The following SLC38A4 variants were observed in gnomAD, a reference collection of about 807,000 sequenced individuals.
The protein encoded by SLC38A4 is solute carrier family 38 member 4.
A neutral mutation model predicts 63.1 loss-of-function variants in SLC38A4; 20 were observed. The observed-to-expected ratio is 0.32, with a 90% CI of 0.22 to 0.46. The LOEUF is 0.46. Among genes scored for constraint, SLC38A4 ranks in the 20% least tolerant of loss-of-function variants. The pLI, the probability that SLC38A4 is intolerant of heterozygous loss-of-function variation, is 1.00. For missense variants in SLC38A4, 526 were observed against 663.6 expected (o/e 0.79, Z 2.28); for synonymous variants, 230 against 225.5 (o/e 1.02, Z -0.18).
chr12:46,794,959 G>A (rs1938971014), intron 2 of SLC38A4, among the ~76,000 whole-genome samples: 1 of 151,444 alleles, frequency 6.6e-6, no homozygotes, highest in South Asian at 2.1e-4. Flanking sequence ...AGCTAAGAGA[G>A]AATAGAAGTA....
chr12:46,766,371 G>A lies in SLC38A4; in HGVS notation c.*330C>T, dbSNP rs1339925095. 64 of 472,304 alleles carry A rather than the reference G, an allele frequency of 1.4e-4. No homozygotes were observed. The highest frequency in any genetic ancestry group is 2.6e-4 in the Non-Finnish European group (61 of 237,932). The allele number at this position is 472,304 out of a possible 1,614,324, so 29.3% of individuals were successfully genotyped here. On this transcript the variant is annotated 3_prime_UTR_variant, in exon 17 of 17. Transcript: ENST00000266579. ...GGGTGCAGGATGAGGAGACGGCAGG[G>A]GAAAGAGTACTATCTGATGATTGTT... is the stretch of plus-strand genomic sequence containing the variant.
At chr12:46,766,948 G>A in intron 16 of SLC38A4, 146 bp from the exon 17 acceptor site, 1 of 572,028 alleles carries the variant, frequency 1.7e-6, no homozygotes, top group Non-Finnish European at 3.1e-6. Context: ...TAACCTATCA[G>A]TCAATTTAGA....
chr12:46,795,208 C>G (rs532935321), intron 2 of SLC38A4, among the ~76,000 whole-genome samples: 105 of 152,064 alleles, frequency 6.9e-4, no homozygotes, highest in Middle Eastern at 3.4e-3. Context: ...CATTAGCATA[C>G]TTTTTCTTTC....
chr12:46,824,866 A>G (rs949188098), intron 1 of SLC38A4, among the ~76,000 whole-genome samples: 10 of 152,242 alleles, frequency 6.6e-5, no homozygotes, highest in African/African-American at 2.4e-4. Context: ...ACAAATCTAC[A>G]CATGTGGCAA....
intron 7 of SLC38A4, among the ~76,000 whole-genome samples, chr12:46,780,394 G>A (rs1172493187): frequency 1.3e-5 from 2 of 151,958 alleles, no homozygotes; most frequent in African/African-American, 2.4e-5. Context: ...AAAAGGCATG[G>A]GCCAGCTGAG....
chr12:46,827,921 C>G (rs1939681472), upstream of SLC38A4, among the ~76,000 whole-genome samples: 1 of 152,104 alleles, frequency 6.6e-6, no homozygotes, highest in Non-Finnish European at 1.5e-5. Flanking sequence ...TTGCTAATTC[C>G]TATGTTCAGT....
chr12:46,769,014 C>T (rs1317749492), intron 15 of SLC38A4, among the ~76,000 whole-genome samples: 1 of 152,076 alleles, frequency 6.6e-6, no homozygotes, highest in African/African-American at 2.4e-5. Flanking sequence ...CCTGGGTCCA[C>T]ACCAAGGTAT....
chr12:46,806,023 G>T (rs146643028), intron 1 of SLC38A4, among the ~76,000 whole-genome samples: 7 of 151,838 alleles, frequency 4.6e-5, no homozygotes, highest in Admixed American at 4.6e-4. Flanking sequence ...CCTAGGGACT[G>T]AGGACATTCA....
chr12:46,778,729 A>T lies in SLC38A4; in HGVS notation c.765T>A (p.Asp255Glu). The T allele has an allele frequency of 1.2e-6, 2 of 1,612,858 alleles. No individual in the cohort carries two copies. The highest frequency in any genetic ancestry group is 1.7e-6 in the Non-Finnish European group (2 of 1,179,258). ...FQIPCPLPVL[D>E]HSVGNLSFNN... The stretch of plus-strand genomic sequence containing the variant: ...TGAATGACAGATTTCCAACACTGTG[A>T]TCCAAAACAGGTAGAGGGCAGGGTA... Residue 255 changes from aspartate (D) to glutamate (E), a missense_variant, in exon 11 of 17, where the codon GAT becomes GAA. Coordinates refer to ENST00000266579, the MANE Select transcript of SLC38A4 (RefSeq NM_018018.5).
chr12:46,769,216 G>C, intron 15 of SLC38A4, 68 bp downstream of exon 15: 1 of 1,562,336 alleles, frequency 6.4e-7, no homozygotes. Context: ...CCCAGCACTG[G>C]TTCCCTGTCC....
At position 46,789,337 on chromosome 12, in the gene SLC38A4, G is replaced by A. The variant is rs184309881; in HGVS notation, c.120-719C>T. On this transcript the variant is annotated intron_variant, in intron 3 of 16. Transcript: ENST00000266579. ...TTTTAATTACTCTCAAAATGTACAT[G>A]GATTATTAACAGATAATGAATGAAA... is the stretch of plus-strand genomic sequence containing the variant. 2.8e-3 allele frequency among the ~76,000 whole-genome samples: 432 copies of A among 152,044 alleles called. 3 individuals carry two copies. The highest frequency in any genetic ancestry group is 1.0e-2 in the African/African-American group (414 of 41,452).
chr12:46,770,642 C>T (rs946137021), intron 14 of SLC38A4, among the ~76,000 whole-genome samples: 1 of 152,014 alleles, frequency 6.6e-6, no homozygotes, highest in East Asian at 1.9e-4. Flanking sequence ...GATAAAGATC[C>T]CTGTGGGCAG....
chr12:46,768,017 A>G (rs373862521), intron 16 of SLC38A4, among the ~76,000 whole-genome samples: 2 of 152,248 alleles, frequency 1.3e-5, no homozygotes, highest in South Asian at 2.1e-4. Context: ...GGATAGCACA[A>G]CAGCAGCTTG....
intron 14 of SLC38A4, among the ~76,000 whole-genome samples, chr12:46,771,749 C>A (rs1938420855): frequency 6.6e-6 from 1 of 152,040 alleles, no homozygotes; most frequent in Admixed American, 6.6e-5. Context: ...TAAAGTGCCT[C>A]CCTGAGTAGT....
At chr12:46,818,171 AGATAATCCAAT>A (rs1168333793) in intron 1 of SLC38A4, among the ~76,000 whole-genome samples, 1 of 151,834 alleles carries the variant, frequency 6.6e-6, no homozygotes, top group Non-Finnish European at 1.5e-5. Context: ...GTTTGTTATG[AGATAATCCAAT>A]GGTTTGTGTC....
intron 14 of SLC38A4, among the ~76,000 whole-genome samples, chr12:46,770,328 C>T (rs941161278): frequency 6.6e-6 from 1 of 151,270 alleles, no homozygotes; most frequent in African/African-American, 2.4e-5. Context: ...AAAATTTTGA[C>T]GTTTTTGTGT....
At chr12:46,832,169 G>A (rs1939740312) in intron 1 of SLC38A4, among the ~76,000 whole-genome samples, 1 of 152,074 alleles carries the variant, frequency 6.6e-6, no homozygotes, top group Non-Finnish European at 1.5e-5. Context: ...AAGAGCCCCA[G>A]ACATAAGCCC....
At chr12:46,827,114 G>A (rs568577040), upstream of SLC38A4, among the ~76,000 whole-genome samples, 1 of 152,198 alleles carries the variant, frequency 6.6e-6, no homozygotes, top group Non-Finnish European at 1.5e-5. Context: ...TAGATTTATT[G>A]GGAACAATAG....
chr12:46,817,834 G>A (rs1301464141), intron 1 of SLC38A4, among the ~76,000 whole-genome samples: 1 of 151,768 alleles, frequency 6.6e-6, no homozygotes, highest in African/African-American at 2.4e-5. Context: ...TTTTTGCATA[G>A]CTGACTGCAG....
Sources: gnomAD v4.1 joint callset for allele counts (sites outside exome capture counted in the v4.1 genomes callset) on GRCh38, gnomAD v4.1.1 for gene constraint, MANE v1.5 for transcripts, NCBI Gene and HGNC (gene_info 2026-07-23, HGNC 2026-07-21) for gene names.